The following CTNNA3 variants were observed in gnomAD, a reference collection of about 807,000 sequenced individuals.
CTNNA3 encodes catenin alpha-3.
In CTNNA3, 76 loss-of-function variants were observed where a neutral mutation model predicts 95.7. The observed-to-expected ratio is 0.79, with a 90% confidence interval of 0.66 to 0.96. The LOEUF (loss-of-function observed/expected upper bound fraction) is 0.96. Ranked by LOEUF, CTNNA3 falls within the 40% of genes least tolerant of loss-of-function variation. The probability of loss-of-function intolerance (pLI) is 0.00; values close to 1 mark genes in which losing one functional copy is unlikely to be tolerated. For synonymous variants in CTNNA3, 431 were observed against 374.4 expected, an observed-to-expected ratio of 1.15 and a Z score of -1.74; for missense variants, 1,191 against 1,089.8, an observed-to-expected ratio of 1.09 and a Z score of -1.31.
chr10:66,749,943 G>A (rs780796191), intron 9 of CTNNA3, among the ~76,000 whole-genome samples: 5 of 152,108 alleles, frequency 3.3e-5, no homozygotes, highest in Non-Finnish European at 5.9e-5. Context: ...TGTTGTTTTA[G>A]TTGGCAATTC....
intron 11 of CTNNA3, among the ~76,000 whole-genome samples, chr10:66,517,163 G>A (rs569834465): frequency 6.6e-6 from 1 of 152,210 alleles, no homozygotes; most frequent in South Asian, 2.1e-4. Flanking sequence ...TGGAGTTGCA[G>A]TGAGCCAAGA....
intron 7 of CTNNA3, among the ~76,000 whole-genome samples, chr10:67,091,380 G>C (rs904402719): frequency 6.6e-6 from 1 of 151,584 alleles, no homozygotes; most frequent in Non-Finnish European, 1.5e-5. Context: ...ATATATTTAA[G>C]GAATATATGT....
chr10:66,239,255 ATAAT>A (rs1050555476), intron 13 of CTNNA3, among the ~76,000 whole-genome samples: 13 of 151,720 alleles, frequency 8.6e-5, no homozygotes, highest in Admixed American at 3.9e-4. Context: ...ATGCTAAAAT[ATAAT>A]TAATTAATTA....
intron 6 of CTNNA3, among the ~76,000 whole-genome samples, chr10:67,202,847 T>C (rs1281734247): frequency 2.0e-5 from 3 of 152,072 alleles, no homozygotes; most frequent in African/African-American, 7.2e-5. Flanking sequence ...TACAGCCATA[T>C]AAAAAGGGAA....
intron 9 of CTNNA3, among the ~76,000 whole-genome samples, chr10:66,763,358 A>AGG (rs1839693387): frequency 1.3e-5 from 2 of 151,558 alleles, no homozygotes; most frequent in Non-Finnish European, 2.9e-5. Context: ...AGAGAGGGAG[A>AGG]GAGAGAGAAA....
At chr10:65,923,794 T>C (rs1006567039) in intron 17 of CTNNA3, among the ~76,000 whole-genome samples, 6 of 152,058 alleles carry the variant, frequency 3.9e-5, no homozygotes, top group Non-Finnish European at 7.4e-5. Flanking sequence ...ATGCATGAAA[T>C]AACTAAAAGA....
intron 11 of CTNNA3, among the ~76,000 whole-genome samples, chr10:66,394,849 T>C (rs920786974): frequency 7.2e-5 from 11 of 152,154 alleles, no homozygotes; most frequent in African/African-American, 2.6e-4. Context: ...ATCCCAGTAC[T>C]GTTTAAAATA....
chr10:66,904,185 T>C (rs960362994), intron 7 of CTNNA3, among the ~76,000 whole-genome samples: 3 of 152,014 alleles, frequency 2.0e-5, no homozygotes, highest in Non-Finnish European at 4.4e-5. Context: ...TATAGACCAA[T>C]GGAACAGAAC....
intron 6 of CTNNA3, among the ~76,000 whole-genome samples, chr10:67,212,555 T>G (rs1276656755): frequency 6.6e-6 from 1 of 151,970 alleles, no homozygotes; most frequent in Non-Finnish European, 1.5e-5. Context: ...GGGAGTGTTT[T>G]TAATTACTCA....
At position 67,750,865 on chromosome 10, in the gene CTNNA3, A is replaced by G. The variant is rs1186965220; in HGVS notation, c.-2+12569T>C. ...GTGTCACCCATACCTCACACAGGAG[A>G]AACTGATCCAGTACTGCCACTCCAA... On this transcript the variant is annotated intron_variant, in intron 1 of 17. Coordinates refer to the CTNNA3 transcript ENST00000684154. 4 of 1,610,816 alleles carry G rather than the reference A, an allele frequency of 2.5e-6. No individual in the cohort carries two copies. In the Admixed American group the frequency reaches 6.7e-5, roughly 27 times the overall value.
intron 4 of CTNNA3, among the ~76,000 whole-genome samples, chr10:67,525,444 G>GTC (rs1468129684): frequency 6.6e-6 from 1 of 152,154 alleles, no homozygotes; most frequent in Non-Finnish European, 1.5e-5. Context: ...TATTTTGCAA[G>GTC]AAAGAGAAGC....
chr10:67,455,695 A>T (rs557715678), intron 5 of CTNNA3, among the ~76,000 whole-genome samples: 4 of 152,148 alleles, frequency 2.6e-5, no homozygotes, highest in African/African-American at 9.7e-5. Context: ...TGTTCAGACA[A>T]ATCCCATTTA....
rs939057623 is a variant in CTNNA3 at position 67,219,886 on chromosome 10, A to G, written c.580-16T>C. 5.7e-6 allele frequency: 9 copies of G among 1,591,384 alleles called. No individual in the cohort carries two copies. The highest frequency in any genetic ancestry group is 6.9e-6 in the Non-Finnish European group (8 of 1,165,858). ...ATTTTAAGTCCTGAGAAGGTAAATAAAAAGAGTGGTATCTTACAATGGGTT... is the reference window on the plus strand; with the variant it reads ...ATTTTAAGTCCTGAGAAGGTAAATAGAAAGAGTGGTATCTTACAATGGGTT... On this transcript the variant is annotated splice_polypyrimidine_tract_variant and intron_variant, in intron 5 of 17. Coordinates refer to ENST00000433211, the MANE Select transcript of CTNNA3 (RefSeq NM_013266.4).
rs547762468 is a variant in CTNNA3 at position 66,085,253 on chromosome 10, C to T, written c.1978-15764G>A. ...TAATAAAATGCTCATGTTAGTGATA[C>T]ATGATTCACTAAGGAAAATAAACAA... On this transcript the variant is annotated intron_variant, in intron 14 of 17. Transcript: ENST00000433211. Among the ~76,000 whole-genome samples, 41 of 152,178 alleles carry T rather than the reference C, an allele frequency of 2.7e-4. No individual in the cohort carries two copies. The East Asian group carries it at 4.4e-3, about 16-fold the overall frequency.
intron 1 of CTNNA3, among the ~76,000 whole-genome samples, chr10:67,647,820 A>G (rs1839764319): frequency 6.6e-6 from 1 of 151,996 alleles, no homozygotes; most frequent in African/African-American, 2.4e-5. Flanking sequence ...GTCTTAAGTG[A>G]TCAGAAAGGT....
At chr10:66,473,274 G>A (rs1432480550) in intron 11 of CTNNA3, among the ~76,000 whole-genome samples, 2 of 151,808 alleles carry the variant, frequency 1.3e-5, no homozygotes, top group Non-Finnish European at 2.9e-5. Context: ...TGGATCATGG[G>A]GGCAGTTCTC....
chr10:67,478,202 C>A (rs1477463926), intron 5 of CTNNA3, among the ~76,000 whole-genome samples: 2 of 152,066 alleles, frequency 1.3e-5, no homozygotes, highest in Non-Finnish European at 2.9e-5. Context: ...GTGACCAAAA[C>A]CATGAATTAT....
At chr10:67,432,903 AC>A (rs1589284509) in intron 5 of CTNNA3, among the ~76,000 whole-genome samples, 1 of 152,110 alleles carries the variant, frequency 6.6e-6, no homozygotes, top group East Asian at 1.9e-4. Context: ...GACTTTATAG[AC>A]TGATTTGGGG....
intron 5 of CTNNA3, among the ~76,000 whole-genome samples, chr10:67,307,506 C>T (rs1044096753): frequency 2.0e-5 from 3 of 151,898 alleles, no homozygotes; most frequent in Non-Finnish European, 4.4e-5. Flanking sequence ...TTGTTTTTAC[C>T]TCAGCAACTA....
Sources: allele counts gnomAD v4.1 joint callset (sites outside exome capture counted in the v4.1 genomes callset), GRCh38; gene constraint gnomAD v4.1.1; transcripts MANE v1.5; gene names NCBI Gene and HGNC (gene_info 2026-07-23, HGNC 2026-07-21).